The following GPHN variants were observed in gnomAD, a reference collection of about 807,000 sequenced individuals.
The protein encoded by GPHN is gephyrin.
GPHN carries 17 observed loss-of-function variants against 95.5 expected under a neutral mutation model. The observed-to-expected ratio is 0.18, with a 90% CI of 0.12 to 0.27. The LOEUF (loss-of-function observed/expected upper bound fraction) is 0.27. GPHN is among the 10% of genes least tolerant of loss of function. The pLI is 1.00. For synonymous variants in GPHN, 320 were observed against 322.5 expected (o/e 0.99, Z 0.08); for missense variants, 660 against 978.1 (o/e 0.67, Z 4.34).
chr14:67,250,597 C>T, the GPHN span, among the ~76,000 whole-genome samples: 1 of 152,180 alleles, frequency 6.6e-6, no homozygotes, highest in Non-Finnish European at 1.5e-5. Context: ...GAAACACACA[C>T]ACTGTTCATA....
chr14:67,589,419 T>A, the GPHN span: 1 of 985,378 alleles, frequency 1.0e-6, no homozygotes, highest in Admixed American at 6.1e-5. Flanking sequence ...AAAAGTAGCT[T>A]TTGAACTGAT....
chr14:66,721,459 A>G (rs1468627495), intron 2 of GPHN, among the ~76,000 whole-genome samples: 1 of 152,210 alleles, frequency 6.6e-6, no homozygotes, highest in Non-Finnish European at 1.5e-5. Flanking sequence ...TATATTAATA[A>G]CATATATCTA....
At chr14:67,295,549 T>C in the GPHN span, among the ~76,000 whole-genome samples, 1 of 147,882 alleles carries the variant, frequency 6.8e-6, no homozygotes, top group Non-Finnish European at 1.5e-5. Flanking sequence ...TAAAAAAAAA[T>C]TGACAACAGT....
chr14:66,866,780 G>A (rs1161042162), intron 4 of GPHN, among the ~76,000 whole-genome samples: 1 of 152,102 alleles, frequency 6.6e-6, no homozygotes, highest in Non-Finnish European at 1.5e-5. Flanking sequence ...TAGGTAAATT[G>A]GTTGGCATGC....
intron 1 of GPHN, among the ~76,000 whole-genome samples, chr14:66,633,416 T>C (rs2063928678): frequency 6.6e-6 from 1 of 152,218 alleles, no homozygotes; most frequent in Admixed American, 6.5e-5. Flanking sequence ...TTTACCAAAC[T>C]TCAACCTTAT....
the GPHN span, among the ~76,000 whole-genome samples, chr14:67,617,858 T>C: frequency 6.6e-6 from 1 of 152,172 alleles, no homozygotes; most frequent in African/African-American, 2.4e-5. Flanking sequence ...GTAGTTGGGA[T>C]TACAGGTGCC....
chr14:67,571,844 C>T, the GPHN span: 2 of 1,613,830 alleles, frequency 1.2e-6, no homozygotes, highest in East Asian at 2.2e-5. Flanking sequence ...GAATCTCGGT[C>T]CCCTCCTCTG....
chr14:67,360,023 A>G, the GPHN span: 3 of 523,938 alleles, frequency 5.7e-6, no homozygotes, highest in Non-Finnish European at 1.0e-5. Context: ...GCGCCAGGCC[A>G]AAGACTAGGA....
chr14:67,453,716 G>A, the GPHN span, among the ~76,000 whole-genome samples: 2 of 152,158 alleles, frequency 1.3e-5, no homozygotes, highest in Admixed American at 6.6e-5. Context: ...AAATGTGCAT[G>A]TAGGGCCACC....
chr14:67,393,108 C>T, the GPHN span: 2 of 1,425,490 alleles, frequency 1.4e-6, no homozygotes, highest in East Asian at 4.5e-5. Context: ...ATCACCATGT[C>T]CCAGCTTGAC....
intron 1 of GPHN, among the ~76,000 whole-genome samples, chr14:66,521,990 C>G (rs1406995634): frequency 6.6e-6 from 1 of 152,042 alleles, no homozygotes; most frequent in East Asian, 1.9e-4. Context: ...ATATCAGTCA[C>G]TGTTTCTTCT....
chr14:67,499,845 A>T, the GPHN span, among the ~76,000 whole-genome samples: 1 of 15,126 alleles, frequency 6.6e-5, no homozygotes, highest in Non-Finnish European at 3.2e-4. Flanking sequence ...ACAAAGGGTT[A>T]AAAAAAAAAA....
chr14:66,651,681 C>G (rs1307659783), intron 1 of GPHN, among the ~76,000 whole-genome samples: 3 of 152,132 alleles, frequency 2.0e-5, no homozygotes, highest in African/African-American at 7.2e-5. Flanking sequence ...GCGGAATATC[C>G]TGAGATTGCC....
At chr14:66,948,364 C>G (rs1217116202) in intron 8 of GPHN, among the ~76,000 whole-genome samples, 1 of 151,966 alleles carries the variant, frequency 6.6e-6, no homozygotes, top group Non-Finnish European at 1.5e-5. Context: ...AGTCATACTT[C>G]ATATGTTTGC....
At chr14:67,659,928 A>C in the GPHN span, 8 of 1,611,900 alleles carry the variant, frequency 5.0e-6, no homozygotes, top group Non-Finnish European at 6.8e-6. Flanking sequence ...GCCAGCTGGG[A>C]AGGCAGAAAG....
At chr14:66,719,608 C>T (rs561163763) in intron 2 of GPHN, among the ~76,000 whole-genome samples, 12 of 152,240 alleles carry the variant, frequency 7.9e-5, no homozygotes, top group African/African-American at 2.4e-4. Context: ...AACCTCCACA[C>T]GCTGCTCTGT....
intron 20 of GPHN, among the ~76,000 whole-genome samples, chr14:67,166,152 G>A (rs1005279104): frequency 1.3e-5 from 2 of 152,092 alleles, no homozygotes; most frequent in Admixed American, 1.3e-4. Flanking sequence ...GTTAAACTTT[G>A]AAAACATTTT....
chr14:67,127,134 G>A (rs1429330691), intron 17 of GPHN, among the ~76,000 whole-genome samples: 1 of 150,848 alleles, frequency 6.6e-6, no homozygotes, highest in African/African-American at 2.4e-5. Context: ...GGATAGCATC[G>A]GGAGATATAC....
intron 1 of GPHN, among the ~76,000 whole-genome samples, chr14:66,662,544 T>C (rs2065722136): frequency 6.6e-6 from 1 of 151,990 alleles, no homozygotes; most frequent in Non-Finnish European, 1.5e-5. Flanking sequence ...CGCTGAAAAC[T>C]CAAAAAGCCA....
Sources: gnomAD v4.1 joint callset for allele counts (sites outside exome capture counted in the v4.1 genomes callset) on GRCh38, gnomAD v4.1.1 for gene constraint, MANE v1.5 for transcripts, NCBI Gene and HGNC (gene_info 2026-07-23, HGNC 2026-07-21) for gene names.